Variants in EPHA3 observed in about 807,000 individuals in gnomAD.
The protein encoded by EPHA3 is EPH receptor A3.
Under a neutral mutation model 107.1 loss-of-function variants are expected in EPHA3, and 42 were observed. The observed-to-expected ratio is 0.39, with a 90% CI of 0.31 to 0.51. EPHA3 has a LOEUF of 0.51. Among genes scored for constraint, EPHA3 ranks in the 20% least tolerant of loss-of-function variants. The pLI, the probability that EPHA3 is intolerant of heterozygous loss-of-function variation, is 0.78. For missense variants in EPHA3, 1,183 were observed against 1,211.2 expected, an observed-to-expected ratio of 0.98 and a Z score of 0.35; for synonymous variants, 461 against 424.8, an observed-to-expected ratio of 1.09 and a Z score of -1.05.
intron 3 of EPHA3, among the ~76,000 whole-genome samples, chr3:89,232,684 G>A (rs542661001): frequency 5.3e-5 from 8 of 152,144 alleles, no homozygotes; most frequent in South Asian, 4.2e-4. Context: ...ATAATGAAAG[G>A]CAATTAATTT....
chr3:89,195,375 G>A (rs1442043441), intron 2 of EPHA3, among the ~76,000 whole-genome samples: 2 of 152,026 alleles, frequency 1.3e-5, no homozygotes, highest in African/African-American at 4.8e-5. Flanking sequence ...ACAGATTTAG[G>A]GGAAGTTATT....
intron 15 of EPHA3, among the ~76,000 whole-genome samples, chr3:89,457,411 A>G (rs755474932): frequency 9.2e-5 from 14 of 152,176 alleles, no homozygotes; most frequent in African/African-American, 2.4e-5. Context: ...GCAGATCAGC[A>G]GGGGCATTAG....
At chr3:89,284,229 G>T (rs1292952058) in intron 3 of EPHA3, among the ~76,000 whole-genome samples, 1 of 151,732 alleles carries the variant, frequency 6.6e-6, no homozygotes, top group Non-Finnish European at 1.5e-5. Flanking sequence ...TACACATTTG[G>T]GGTAGTTCTG....
At chr3:89,269,854 C>G (rs1272289304) in intron 3 of EPHA3, among the ~76,000 whole-genome samples, 2 of 147,060 alleles carry the variant, frequency 1.4e-5, no homozygotes, top group Non-Finnish European at 3.0e-5. Flanking sequence ...ATTTTTTTAA[C>G]AAATGATTTT....
rs189777321 is a variant in EPHA3 at position 89,245,595 on chromosome 3, T to C, written c.814+35075T>C. Among the ~76,000 whole-genome samples the C allele has an allele frequency of 3.3e-5, 5 of 152,332 alleles. No homozygotes were observed. The East Asian group carries it at 9.6e-4, about 29-fold the overall frequency. ...TTGTTCTGGTGAGATAGAGCAAATATAGAAATCTGTTGGACTCCCATCATT... is the reference window on the plus strand; with the variant it reads ...TTGTTCTGGTGAGATAGAGCAAATACAGAAATCTGTTGGACTCCCATCATT... On this transcript the variant is annotated intron_variant, in intron 3 of 16. Coordinates refer to ENST00000336596, the MANE Select transcript of EPHA3 (RefSeq NM_005233.6).
At chr3:89,192,150 C>A (rs1705731878) in intron 2 of EPHA3, among the ~76,000 whole-genome samples, 1 of 152,064 alleles carries the variant, frequency 6.6e-6, no homozygotes, top group African/African-American at 2.4e-5. Context: ...AAGTGTCTGG[C>A]CCATGAAAAA....
chr3:89,340,694 C>T (rs2107416573), intron 3 of EPHA3, among the ~76,000 whole-genome samples: 1 of 152,316 alleles, frequency 6.6e-6, no homozygotes, highest in South Asian at 2.1e-4. Context: ...CCAAAATAAT[C>T]TAAATCTTGT....
intron 2 of EPHA3, among the ~76,000 whole-genome samples, chr3:89,153,909 C>T (rs1704739253): frequency 6.6e-6 from 1 of 152,044 alleles, no homozygotes; most frequent in African/African-American, 2.4e-5. Context: ...TCTCTCCTTC[C>T]TTACACTGTT....
intron 2 of EPHA3, among the ~76,000 whole-genome samples, chr3:89,197,644 G>A (rs1403119610): frequency 1.3e-5 from 2 of 152,048 alleles, no homozygotes; most frequent in Non-Finnish European, 2.9e-5. Context: ...GTTTAGAAGG[G>A]CAAATTTATC....
At chr3:89,411,426 C>T (rs1260740012) in intron 9 of EPHA3, among the ~76,000 whole-genome samples, 2 of 151,824 alleles carry the variant, frequency 1.3e-5, no homozygotes, top group Admixed American at 6.6e-5. Flanking sequence ...AAGTAGGAGT[C>T]GTGTTAGCTT....
chr3:89,430,086 A>G (rs1222630831), intron 12 of EPHA3, among the ~76,000 whole-genome samples: 1 of 152,114 alleles, frequency 6.6e-6, no homozygotes, highest in African/African-American at 2.4e-5. Context: ...ACTATATTTC[A>G]CCATAAGAAA....
chr3:89,111,604 C>A (rs1170006865), intron 1 of EPHA3, among the ~76,000 whole-genome samples: 1 of 148,180 alleles, frequency 6.7e-6, no homozygotes, highest in African/African-American at 2.5e-5. Context: ...ACAGTTAACA[C>A]TTGACCTAGG....
chr3:89,369,448 T>A (rs1708249812), intron 5 of EPHA3, among the ~76,000 whole-genome samples: 1 of 150,680 alleles, frequency 6.6e-6, no homozygotes, highest in African/African-American at 2.4e-5. Context: ...GCTAGCCATA[T>A]GTAGAAAGCT....
rs2107182460 is a variant in EPHA3, at chr3:89,210,218, T to A, written c.512T>A (p.Val171Glu). The A allele has an allele frequency of 6.2e-7, 1 of 1,614,038 alleles. No individual in the cohort carries two copies. Among genetic ancestry groups the A allele is most frequent in the African/African-American group, 1.3e-5 (1 of 75,040 alleles). The change falls in exon 3 of 17, where the codon GTA (valine) becomes GAA (glutamate). Residue 171 changes from valine (V) to glutamate (E), a missense_variant. Physicochemically the swap from Val to Glu is moderately radical, Grantham distance 121. Transcript: ENST00000336596. Reference protein sequence around the residue: ...ILKLNTEIREVGPVNKKGFYL... With the variant: ...ILKLNTEIREEGPVNKKGFYL... Reference sequence around the variant, plus strand: ...AAGCTCAACACTGAGATTAGAGAAGTAGGTCCTGTCAACAAGAAGGGATTT... The same window carrying A: ...AAGCTCAACACTGAGATTAGAGAAGAAGGTCCTGTCAACAAGAAGGGATTT...
At chr3:89,470,883 G>A (rs1576395312) in intron 15 of EPHA3, among the ~76,000 whole-genome samples, 3 of 152,220 alleles carry the variant, frequency 2.0e-5, no homozygotes, top group East Asian at 3.9e-4. Flanking sequence ...TAGCATCAGT[G>A]CCTAACAGGT....
At chr3:89,341,731 A>G (rs1221201609) in intron 4 of EPHA3, 24 bp from the exon 5 acceptor site, 6 of 1,556,886 alleles carry the variant, frequency 3.9e-6, no homozygotes, top group Non-Finnish European at 5.2e-6. Context: ...GAGGCTCATT[A>G]ATCTTTGTTG....
intron 1 of EPHA3, 29 bp from the exon 2 acceptor site, chr3:89,127,180 C>G (rs1704112958): frequency 1.3e-6 from 2 of 1,551,476 alleles, no homozygotes; most frequent in African/African-American, 2.7e-5. Context: ...CTGTTATTAA[C>G]TGTGTTTGTG....
chr3:89,370,114 C>G lies in EPHA3; in HGVS notation c.1307-25723C>G, dbSNP rs562214042. Among the ~76,000 whole-genome samples the G allele has an allele frequency of 2.6e-3, 388 of 150,806 alleles. 10 individuals carry two copies. Among genetic ancestry groups the G allele is most frequent in the African/African-American group, 9.1e-3 (375 of 41,132 alleles). ...GTCAGTGTGGCGATTCCTCAGGGAT[C>G]TAGAACTAGAAATACCATTTGACCC... On this transcript the variant is annotated intron_variant, in intron 5 of 16. Coordinates refer to ENST00000336596, the MANE Select transcript of EPHA3 (RefSeq NM_005233.6).
chr3:89,224,947 G>C (rs1385412088), intron 3 of EPHA3, among the ~76,000 whole-genome samples: 1 of 151,886 alleles, frequency 6.6e-6, no homozygotes, highest in Non-Finnish European at 1.5e-5. Context: ...AGACGGGAAA[G>C]GTTAAAGAGT....
Sources: allele counts gnomAD v4.1 joint callset (sites outside exome capture counted in the v4.1 genomes callset), GRCh38; gene constraint gnomAD v4.1.1; transcripts MANE v1.5; gene names NCBI Gene and HGNC (gene_info 2026-07-23, HGNC 2026-07-21).